CCDC3: variants seen among roughly 807,000 people sequenced by gnomAD.
CCDC3 encodes the protein coiled-coil domain-containing protein 3.
Under a neutral mutation model 21.4 loss-of-function variants are expected in CCDC3, and 24 were observed. The ratio of observed to expected loss-of-function variants is 1.12; its 90% CI spans 0.81 to 1.58. The LOEUF is 1.58. Among genes scored for constraint, CCDC3 ranks in the 40% most tolerant of loss-of-function variants. The probability of loss-of-function intolerance (pLI) is 0.00; values close to 1 mark genes in which losing one functional copy is unlikely to be tolerated. For synonymous variants in CCDC3, 186 were observed against 166.0 expected (o/e 1.12, Z -0.93); for missense variants, 425 against 360.9 (o/e 1.18, Z -1.44).
At chr10:13,033,174 A>G (rs1204206103) in intron 5 of CCDC3, among the ~76,000 whole-genome samples, 2 of 152,352 alleles carry the variant, frequency 1.3e-5, no homozygotes, top group African/African-American at 4.8e-5. Flanking sequence ...CAGAGCCCTC[A>G]GAAATAATAC....
At chr10:13,078,777 A>G (rs369689318) in intron 3 of CCDC3, among the ~76,000 whole-genome samples, 3 of 150,426 alleles carry the variant, frequency 2.0e-5, no homozygotes, top group Admixed American at 6.7e-5. Context: ...ACCAAACACC[A>G]CATGTTCTCA....
intron 2 of CCDC3, among the ~76,000 whole-genome samples, chr10:12,918,291 G>A (rs1564283223): frequency 6.6e-6 from 1 of 151,960 alleles, no homozygotes; most frequent in Non-Finnish European, 1.5e-5. Context: ...AAATTTCTTG[G>A]CCAACGTTTT....
At chr10:13,082,270 AC>A (rs1394628976) in intron 3 of CCDC3, among the ~76,000 whole-genome samples, 3 of 152,252 alleles carry the variant, frequency 2.0e-5, no homozygotes, top group Non-Finnish European at 4.4e-5. Context: ...AGGTAAGGTC[AC>A]GTGGGTCACA....
intron 5 of CCDC3, among the ~76,000 whole-genome samples, chr10:13,013,108 C>T (rs568290128): frequency 3.5e-4 from 53 of 152,112 alleles, no homozygotes; most frequent in Admixed American, 5.9e-4. Context: ...TAAAACTGCA[C>T]TAAGTCTTTT....
At chr10:13,029,351 C>T (rs1397423588) in intron 5 of CCDC3, among the ~76,000 whole-genome samples, 8 of 152,046 alleles carry the variant, frequency 5.3e-5, no homozygotes. Flanking sequence ...TGATCAAAGA[C>T]CAAAGGTAGA....
At chr10:13,027,210 T>A (rs1041687510) in intron 5 of CCDC3, among the ~76,000 whole-genome samples, 1 of 152,094 alleles carries the variant, frequency 6.6e-6, no homozygotes, top group African/African-American at 2.4e-5. Context: ...AGTGTGTAGG[T>A]CCGTAGGGGA....
chr10:12,982,814 A>C (rs1564308241), intron 2 of CCDC3, among the ~76,000 whole-genome samples: 2 of 149,500 alleles, frequency 1.3e-5, no homozygotes, highest in Admixed American at 6.7e-5. Context: ...AAAAAAAAAA[A>C]AAAAACCATA....
intron 2 of CCDC3, among the ~76,000 whole-genome samples, chr10:12,927,516 T>C (rs1231882819): frequency 6.6e-6 from 1 of 152,216 alleles, no homozygotes; most frequent in Non-Finnish European, 1.5e-5. Flanking sequence ...TCTTTTACAA[T>C]ATTTTTTGTT....
intron 2 of CCDC3, among the ~76,000 whole-genome samples, chr10:12,957,465 C>G (rs1202244201): frequency 6.6e-6 from 1 of 152,174 alleles, no homozygotes; most frequent in South Asian, 2.1e-4. Flanking sequence ...CAAAATGAAA[C>G]AAAGAAAGCC....
At chr10:12,966,968 G>T (rs942451617) in intron 2 of CCDC3, among the ~76,000 whole-genome samples, 14 of 152,100 alleles carry the variant, frequency 9.2e-5, no homozygotes, top group Admixed American at 1.3e-4. Context: ...AACTGTCCAG[G>T]GTAACAGCCT....
At chr10:13,047,945 CAGGCTGGAGGGAAAGG>C (rs1166773393) in intron 5 of CCDC3, among the ~76,000 whole-genome samples, 2 of 152,064 alleles carry the variant, frequency 1.3e-5, no homozygotes, top group African/African-American at 4.8e-5. Flanking sequence ...AGGGGGAAAG[CAGGCTGGAGGGAAAGG>C]AGGAAGGATA....
chr10:13,011,905 C>A (rs1050614356), intron 5 of CCDC3, among the ~76,000 whole-genome samples: 1 of 152,162 alleles, frequency 6.6e-6, no homozygotes, highest in Non-Finnish European at 1.5e-5. Context: ...ACACCTACAA[C>A]CATCTGATCT....
intron 4 of CCDC3, among the ~76,000 whole-genome samples, chr10:13,065,662 C>A (rs536718938): frequency 6.6e-6 from 1 of 152,168 alleles, no homozygotes; most frequent in Non-Finnish European, 1.5e-5. Context: ...TGTCCTACCC[C>A]CTCCACAGAA....
At chr10:13,038,696 G>A (rs1234624505) in intron 5 of CCDC3, among the ~76,000 whole-genome samples, 1 of 152,236 alleles carries the variant, frequency 6.6e-6, no homozygotes, top group East Asian at 1.9e-4. Context: ...AGAGAGCTCA[G>A]GGTCTGCAGA....
At chr10:13,046,784 T>A (rs1836535767) in intron 5 of CCDC3, among the ~76,000 whole-genome samples, 2 of 152,074 alleles carry the variant, frequency 1.3e-5, no homozygotes, top group Admixed American at 1.3e-4. Context: ...CAATTATTAC[T>A]CAAGCTCCTT....
chr10:13,028,028 A>C (rs745750148), intron 5 of CCDC3, among the ~76,000 whole-genome samples: 3 of 152,148 alleles, frequency 2.0e-5, no homozygotes, highest in Non-Finnish European at 4.4e-5. Context: ...TCTGTTTACA[A>C]CGACCAGGCT....
Position 13,020,527 on chromosome 10 carries a change from T to C in CCDC3, c.-1-22015A>G, listed in dbSNP as rs576233030. Reference sequence around the variant, plus strand: ...AATGAAATTATCAGCCTACAACACATTTCTTTCTTGATTTGGAACATCTAT... The same window carrying C: ...AATGAAATTATCAGCCTACAACACACTTCTTTCTTGATTTGGAACATCTAT... On this transcript the variant is annotated intron_variant, in intron 5 of 6. Coordinates refer to the CCDC3 transcript ENST00000378839. 4.1e-4 allele frequency among the ~76,000 whole-genome samples: 63 copies of C among 152,342 alleles called. No individual in the cohort carries two copies. The South Asian group carries it at 0.012, about 29-fold the overall frequency.
At chr10:12,987,672 A>G (rs550011465) in intron 2 of CCDC3, among the ~76,000 whole-genome samples, 1 of 152,346 alleles carries the variant, frequency 6.6e-6, no homozygotes, top group African/African-American at 2.4e-5. Context: ...TAATTCAGGT[A>G]CAAATATTCC....
intron 3 of CCDC3, among the ~76,000 whole-genome samples, chr10:13,091,918 G>A (rs1203294125): frequency 2.0e-5 from 3 of 151,886 alleles, no homozygotes; most frequent in African/African-American, 4.8e-5. Context: ...AATCCTAAAT[G>A]CCAGAGGCTC....
Sources: allele counts gnomAD v4.1 joint callset (sites outside exome capture counted in the v4.1 genomes callset), GRCh38; gene constraint gnomAD v4.1.1; transcripts MANE v1.5; gene names NCBI Gene and HGNC (gene_info 2026-07-23, HGNC 2026-07-21).